The following UNC13B variants were observed in gnomAD, a reference collection of about 807,000 sequenced individuals.
UNC13B encodes the protein unc-13 homolog B, also known as protein unc-13 homolog B.
A neutral mutation model predicts 211.0 loss-of-function variants in UNC13B; 144 were observed. The observed-to-expected ratio is 0.68, with a 90% confidence interval of 0.60 to 0.78. The LOEUF is 0.78. Ranked by LOEUF, UNC13B falls within the 30% of genes least tolerant of loss-of-function variation. The probability of loss-of-function intolerance (pLI) is 0.00; values close to 1 mark genes in which losing one functional copy is unlikely to be tolerated. For missense variants in UNC13B, 1,777 were observed against 2,002.0 expected (o/e 0.89, Z 2.14); for synonymous variants, 709 against 725.8 (o/e 0.98, Z 0.37).
intron 3 of UNC13B, among the ~76,000 whole-genome samples, chr9:35,236,072 T>A (rs1825489865): frequency 6.6e-6 from 1 of 151,884 alleles, no homozygotes; most frequent in African/African-American, 2.4e-5. Context: ...ATACTTGTGT[T>A]ACCATCACCA....
intron 1 of UNC13B, among the ~76,000 whole-genome samples, chr9:35,178,250 T>C (rs950670561): frequency 6.6e-6 from 1 of 152,208 alleles, no homozygotes; most frequent in Non-Finnish European, 1.5e-5. Context: ...GGCTCATGCC[T>C]GTAATCTCAG....
intron 24 of UNC13B, 122 bp from the exon 25 acceptor site, chr9:35,389,724 A>G: frequency 9.7e-7 from 1 of 1,031,658 alleles, no homozygotes; most frequent in Non-Finnish European, 1.4e-6. Flanking sequence ...TAGGAGAGGA[A>G]AGGTCCTTGA....
rs745638734 is a variant in UNC13B at position 35,386,301 on chromosome 9, G to A, written c.11094+8G>A. ...AGCCGCCAGTACCAGCTGGTAAGAG[G>A]TTCAGGATCAGGTGGGGCCAGCTGT... On this transcript the variant is annotated splice_region_variant and intron_variant, in intron 24 of 39. Transcript: ENST00000635942. The A allele has an allele frequency of 6.2e-7, 1 of 1,614,014 alleles. No homozygotes were observed.
chr9:35,305,125 C>T lies in UNC13B; in HGVS notation c.5721C>T (p.Ser1907=), dbSNP rs1301282829. The change falls in exon 9 of 40, where the codon TCC becomes TCT. Residue 1907 remains serine, a synonymous_variant. Coordinates refer to ENST00000635942, the MANE Select transcript of UNC13B (RefSeq NM_001371189.2). ...ATGAGCTTCCCCAGGGCCAGTCATC[C>T]AAAGAGTCTGATAAAACATTATTTA... is the stretch of plus-strand genomic sequence containing the variant. ...ENYELPQGQS[S]KESDKTLFKS... 1 of 398,696 alleles carries T rather than the reference C, an allele frequency of 2.5e-6. No homozygotes were observed. The highest frequency in any genetic ancestry group is 4.4e-6 in the Non-Finnish European group (1 of 225,998). The allele number at this position is 398,696 out of a possible 1,614,324, so 24.7% of individuals were successfully genotyped here.
intron 1 of UNC13B, among the ~76,000 whole-genome samples, chr9:35,194,394 G>T (rs1223730058): frequency 6.6e-6 from 1 of 152,178 alleles, no homozygotes; most frequent in Non-Finnish European, 1.5e-5. Flanking sequence ...CAGTCCAGAA[G>T]CCTTTGGATA....
intron 11 of UNC13B, among the ~76,000 whole-genome samples, chr9:35,354,502 C>T (rs1454866245): frequency 1.3e-5 from 2 of 152,132 alleles, no homozygotes; most frequent in Non-Finnish European, 2.9e-5. Context: ...TCTTCCATCT[C>T]CCCCTAAAAG....
intron 8 of UNC13B, among the ~76,000 whole-genome samples, chr9:35,299,558 A>G (rs1829569225): frequency 6.6e-6 from 1 of 152,212 alleles, no homozygotes; most frequent in Non-Finnish European, 1.5e-5. Flanking sequence ...TAGAAAAATA[A>G]AAGAATTCTA....
intron 22 of UNC13B, chr9:35,385,408 A>T (rs916104484): frequency 4.0e-5 from 39 of 985,306 alleles, no homozygotes; most frequent in Non-Finnish European, 4.5e-5. Context: ...CATCCAAGAA[A>T]AAAGCATGTG....
At chr9:35,292,823 C>A (rs1215701825) in intron 7 of UNC13B, among the ~76,000 whole-genome samples, 3 of 152,208 alleles carry the variant, frequency 2.0e-5, no homozygotes, top group Non-Finnish European at 4.4e-5. Context: ...CTCTCTAGTT[C>A]CTTCTTAGGC....
chr9:35,403,590 C>T lies in UNC13B; in HGVS notation c.12728C>T (p.Thr4243Ile), dbSNP rs1836476118. 6.2e-7 allele frequency: 1 copy of T among 1,602,350 alleles called. No homozygotes were observed. Among genetic ancestry groups the T allele is most frequent in the Non-Finnish European group, 8.5e-7 (1 of 1,177,438 alleles). Residue 4243 changes from threonine to isoleucine, a missense_variant, in exon 39 of 40, where the codon ACA becomes ATA. Transcript: ENST00000635942. Reference protein sequence around the residue: ...SNNWAPKYNETFHFLLGNEEG... With the variant: ...SNNWAPKYNEIFHFLLGNEEG... ...AACTGGGCCCCCAAGTACAATGAGA[C>T]ATTCCACTTGTAAGTTACGGGGGGG...
At position 35,262,159 on chromosome 9, in the gene UNC13B, T is replaced by G. The variant is rs145632735; in HGVS notation, c.526+3109T>G. ...ATGATCTAATCAATAACCATACATTTCATTTATTGTCCTGTCTCTTTAACC... is the reference window on the plus strand; with the variant it reads ...ATGATCTAATCAATAACCATACATTGCATTTATTGTCCTGTCTCTTTAACC... On this transcript the variant is annotated intron_variant, in intron 7 of 39. Transcript: ENST00000635942. 2.5e-4 allele frequency among the ~76,000 whole-genome samples: 38 copies of G among 152,268 alleles called. 2 individuals are homozygous for G. In the East Asian group the frequency reaches 7.3e-3, roughly 29 times the overall value.
In UNC13B at chr9:35,301,172, T is replaced by C. The variant is rs1256210890; in HGVS notation, c.1768T>C (p.Leu590=). ...LGSKPRAMAV[L]GKDLSMQSPL... is the part of the protein sequence containing the mutation. ...ATCTAAACCCAGAGCCATGGCAGTATTGGGGAAGGATCTTTCCATGCAATC... is the reference window on the plus strand; with the variant it reads ...ATCTAAACCCAGAGCCATGGCAGTACTGGGGAAGGATCTTTCCATGCAATC... Residue 590 remains leucine, a synonymous_variant, in exon 9 of 40, where the codon TTG becomes CTG. Transcript: ENST00000635942. 2.5e-5 allele frequency: 10 copies of C among 398,738 alleles called. No individual in the cohort carries two copies. Among genetic ancestry groups the C allele is most frequent in the Non-Finnish European group, 3.5e-5 (8 of 225,942 alleles). The allele number at this position is 398,738 out of a possible 1,614,324, so 24.7% of individuals were successfully genotyped here.
rs1456927509 is a variant in UNC13B, at chr9:35,400,361, G to A, written c.12402G>A (p.Gln4134=). 2.5e-6 allele frequency: 4 copies of A among 1,614,186 alleles called. No homozygotes were observed. The highest frequency in any genetic ancestry group is 1.1e-5 in the South Asian group (1 of 91,088). ...KTFLEKSPDL[Q]SLRYALSLYT... ...TCCTGGAGAAGAGCCCAGATCTGCA[G>A]TCTCTACGCTATGCCCTGTCTCTGT... is the stretch of plus-strand genomic sequence containing the variant. The change falls in exon 37 of 40, where the codon CAG becomes CAA. Residue 4134 remains glutamine, a synonymous_variant. Coordinates refer to ENST00000635942, the MANE Select transcript of UNC13B (RefSeq NM_001371189.2).
In UNC13B at chr9:35,259,215, T is replaced by C. The variant is rs553120556; in HGVS notation, c.526+165T>C. On this transcript the variant is annotated intron_variant, in intron 7 of 39. Coordinates refer to ENST00000635942, the MANE Select transcript of UNC13B (RefSeq NM_001371189.2). ...CGCCTTTCTCTGATGGCTGTCTATC[T>C]ATTAGCTTTAGGGAGACGTTTTTCG... Among the ~76,000 whole-genome samples the C allele has an allele frequency of 1.7e-3, 262 of 152,104 alleles. 3 individuals are homozygous for C. Among genetic ancestry groups the C allele is most frequent in the Middle Eastern group, 3.4e-3 (1 of 294 alleles).
At position 35,359,651 on chromosome 9, in the gene UNC13B, T is replaced by A. The variant is rs554128867; in HGVS notation, c.9415-7296T>A. Among the ~76,000 whole-genome samples, 51 of 152,336 alleles carry A rather than the reference T, an allele frequency of 3.3e-4. 1 individual carries two copies. In the South Asian group the frequency reaches 6.8e-3, roughly 20 times the overall value. ...TATTCAGGCCCAATCCATAGAGTCA[T>A]TCTTGACTCTCCCTTCTCTCTCACA... On this transcript the variant is annotated intron_variant, in intron 11 of 39. Coordinates refer to ENST00000635942, the MANE Select transcript of UNC13B (RefSeq NM_001371189.2).
Position 35,207,524 on chromosome 9 carries a change from G to C in UNC13B, c.23-20491G>C, listed in dbSNP as rs560200538. Among the ~76,000 whole-genome samples the C allele has an allele frequency of 2.2e-3, 214 of 98,414 alleles. 1 individual carries two copies. The highest frequency in any genetic ancestry group is 7.9e-3 in the African/African-American group (207 of 26,266). The allele number at this position is 98,414 out of a possible 152,430, so 64.6% of individuals were successfully genotyped here. On this transcript the variant is annotated intron_variant, in intron 1 of 39. Coordinates refer to ENST00000635942, the MANE Select transcript of UNC13B (RefSeq NM_001371189.2). ...TTTATTTATTTATTTAGTAGAGATGGGGATCTCCCTGTGTTACCCAGGCTA... is the reference window on the plus strand; with the variant it reads ...TTTATTTATTTATTTAGTAGAGATGCGGATCTCCCTGTGTTACCCAGGCTA...
At chr9:35,252,463 C>A (rs1489208102) in intron 6 of UNC13B, among the ~76,000 whole-genome samples, 1 of 151,810 alleles carries the variant, frequency 6.6e-6, no homozygotes, top group African/African-American at 2.4e-5. Flanking sequence ...CACTACCATG[C>A]CTGGCTAATT....
chr9:35,233,609 C>T (rs775514807), intron 3 of UNC13B, among the ~76,000 whole-genome samples: 16 of 152,110 alleles, frequency 1.1e-4, no homozygotes, highest in Admixed American at 2.6e-4. Context: ...TCCTATCTCC[C>T]GTTCTCCTTT....
At chr9:35,166,891 G>GT (rs1564038623) in intron 1 of UNC13B, among the ~76,000 whole-genome samples, 2 of 151,834 alleles carry the variant, frequency 1.3e-5, no homozygotes, top group Non-Finnish European at 2.9e-5. Flanking sequence ...AGCTTTTTTT[G>GT]TTTTTTAACC....
Sources: allele counts gnomAD v4.1 joint callset (sites outside exome capture counted in the v4.1 genomes callset), GRCh38; gene constraint gnomAD v4.1.1; transcripts MANE v1.5; gene names NCBI Gene and HGNC (gene_info 2026-07-23, HGNC 2026-07-21).